Variants in TAF3 observed in about 807,000 individuals in gnomAD.
The protein encoded by TAF3 is transcription initiation factor TFIID subunit 3.
Under a neutral mutation model 80.6 loss-of-function variants are expected in TAF3, and 7 were observed. The observed-to-expected ratio is 0.09, with a 90% CI of 0.05 to 0.16. The LOEUF (loss-of-function observed/expected upper bound fraction) is 0.16. Among genes scored for constraint, TAF3 ranks in the 10% least tolerant of loss-of-function variants. TAF3 has a pLI of 1.00. For synonymous variants in TAF3, 444 were observed against 446.1 expected (o/e 1.00, Z 0.06); for missense variants, 921 against 1,140.2 (o/e 0.81, Z 2.77).
rs561660342 is a variant in TAF3, at chr10:7,907,944, C to T, written c.410-55976C>T. Among the ~76,000 whole-genome samples the T allele has an allele frequency of 4.6e-5, 7 of 152,186 alleles. No homozygotes were observed. The East Asian group carries it at 5.8e-4, about 13-fold the overall frequency. On this transcript the variant is annotated intron_variant, in intron 2 of 6. Coordinates refer to ENST00000344293, the MANE Select transcript of TAF3 (RefSeq NM_031923.4). ...GAGTCGATGGGGACTGAATCTGGAG[C>T]GGCAGCAGCAGGAATAGAAAGAAGA...
At chr10:7,953,313 A>G (rs1838102516) in intron 2 of TAF3, among the ~76,000 whole-genome samples, 1 of 152,234 alleles carries the variant, frequency 6.6e-6, no homozygotes, top group Admixed American at 6.5e-5. Flanking sequence ...ATCAAGTGGT[A>G]GAGTTTCAGG....
At chr10:7,857,416 C>T (rs1282028320) in intron 2 of TAF3, among the ~76,000 whole-genome samples, 2 of 152,216 alleles carry the variant, frequency 1.3e-5, no homozygotes, top group African/African-American at 4.8e-5. Flanking sequence ...AGAAAGTTCT[C>T]TGGAGCTGGA....
chr10:8,014,964 A>T lies in TAF3; in HGVS notation c.*213A>T. ...GCTCCGTGGCAGTGCGACAGAAGGA[A>T]ACTCAAGCAGAGGCGTGGCCTGGGG... On this transcript the variant is annotated 3_prime_UTR_variant, in exon 7 of 7. Coordinates refer to ENST00000344293, the MANE Select transcript of TAF3 (RefSeq NM_031923.4). 1 of 437,968 alleles carries T rather than the reference A, an allele frequency of 2.3e-6. No homozygotes were observed. Among genetic ancestry groups the T allele is most frequent in the Non-Finnish European group, 4.2e-6 (1 of 240,594 alleles). 27.1% of individuals were successfully genotyped at this position (437,968 alleles called of 1,614,324 possible).
intron 2 of TAF3, among the ~76,000 whole-genome samples, chr10:7,950,582 T>C (rs908277238): frequency 1.1e-4 from 17 of 152,232 alleles, no homozygotes; most frequent in South Asian, 4.1e-4. Flanking sequence ...TTTAAGTCAG[T>C]AGTCCGTAAA....
intron 2 of TAF3, among the ~76,000 whole-genome samples, chr10:7,878,675 A>G (rs1026661638): frequency 6.6e-6 from 1 of 151,366 alleles, no homozygotes; most frequent in Non-Finnish European, 1.5e-5. Context: ...TAGATGCACT[A>G]TAATTAATTC....
At chr10:7,840,659 A>C (rs536707035) in intron 2 of TAF3, among the ~76,000 whole-genome samples, 1 of 152,234 alleles carries the variant, frequency 6.6e-6, no homozygotes, top group Admixed American at 6.5e-5. Flanking sequence ...AAGGAGGAGC[A>C]GGCAATACAT....
intron 4 of TAF3, among the ~76,000 whole-genome samples, chr10:8,001,684 T>C (rs1442831234): frequency 6.6e-6 from 1 of 152,226 alleles, no homozygotes; most frequent in Non-Finnish European, 1.5e-5. Flanking sequence ...TTACTTACTT[T>C]TCTGGGAATT....
At chr10:7,933,781 A>AT (rs772725054) in intron 2 of TAF3, among the ~76,000 whole-genome samples, 28 of 152,246 alleles carry the variant, frequency 1.8e-4, no homozygotes, top group Non-Finnish European at 3.1e-4. Flanking sequence ...AATGTACAAT[A>AT]TATAGACTAT....
At chr10:7,913,292 G>T (rs1837674815) in intron 2 of TAF3, among the ~76,000 whole-genome samples, 1 of 152,142 alleles carries the variant, frequency 6.6e-6, no homozygotes, top group Admixed American at 6.5e-5. Flanking sequence ...GTTCATAGCA[G>T]ATGGCAGTGA....
chr10:7,996,920 C>T (rs1415576680), intron 4 of TAF3, among the ~76,000 whole-genome samples: 2 of 151,248 alleles, frequency 1.3e-5, no homozygotes, highest in African/African-American at 4.9e-5. Flanking sequence ...TGTCAAACTC[C>T]TGAGCTCACA....
At chr10:8,013,709 G>A (rs41311222) in intron 5 of TAF3, 22 bp from the exon 6 acceptor site, 110 of 1,600,036 alleles carry the variant, frequency 6.9e-5, no homozygotes, top group Admixed American at 1.0e-4. Flanking sequence ...CATTTTTGCC[G>A]CTTCCGCTTT....
In TAF3 at chr10:7,977,285, C is replaced by A; in HGVS notation, c.2277C>A (p.Pro759=). ...PVALAPSPVI[P]RLTLRVGAGQ... ...CTCTGGCCCCGAGTCCAGTTATCCC[C>A]AGATTAACTCTCCGAGTCGGTGCTG... Residue 759 remains proline, a synonymous_variant, in exon 4 of 7, where the codon CCC becomes CCA. Coordinates refer to ENST00000344293, the MANE Select transcript of TAF3 (RefSeq NM_031923.4). 1.2e-6 allele frequency: 2 copies of A among 1,614,148 alleles called. No individual in the cohort carries two copies. Among genetic ancestry groups the A allele is most frequent in the Non-Finnish European group, 1.7e-6 (2 of 1,180,016 alleles).
At chr10:7,891,036 C>A (rs1262863963) in intron 2 of TAF3, among the ~76,000 whole-genome samples, 1 of 152,144 alleles carries the variant, frequency 6.6e-6, no homozygotes, top group Non-Finnish European at 1.5e-5. Flanking sequence ...ATTGGGGCCC[C>A]GCCCTTTGCA....
intron 2 of TAF3, among the ~76,000 whole-genome samples, chr10:7,933,801 G>A (rs952835453): frequency 1.3e-5 from 2 of 152,200 alleles, no homozygotes; most frequent in Non-Finnish European, 2.9e-5. Flanking sequence ...TGAAATTATG[G>A]AAATCATCTT....
intron 2 of TAF3, among the ~76,000 whole-genome samples, chr10:7,929,964 G>A (rs993568361): frequency 6.6e-6 from 1 of 152,220 alleles, no homozygotes; most frequent in Non-Finnish European, 1.5e-5. Context: ...CACTTTGGGA[G>A]GCCAAGGTGG....
At chr10:7,833,142 A>G (rs1003223854) in intron 2 of TAF3, among the ~76,000 whole-genome samples, 1 of 152,214 alleles carries the variant, frequency 6.6e-6, no homozygotes, top group Non-Finnish European at 1.5e-5. Flanking sequence ...TAACTTGGCT[A>G]TTGGGAACAG....
chr10:7,927,134 G>C (rs2131193999), intron 2 of TAF3, among the ~76,000 whole-genome samples: 1 of 152,286 alleles, frequency 6.6e-6, no homozygotes, highest in Admixed American at 6.5e-5. Flanking sequence ...CTCATTCAGA[G>C]AACACTTTCT....
At chr10:7,870,379 T>C (rs1267057637) in intron 2 of TAF3, among the ~76,000 whole-genome samples, 7 of 152,258 alleles carry the variant, frequency 4.6e-5, no homozygotes, top group Admixed American at 4.6e-4. Context: ...CATTTTTACT[T>C]ATAGTTAATT....
intron 2 of TAF3, among the ~76,000 whole-genome samples, chr10:7,934,772 A>G (rs1265546488): frequency 1.3e-5 from 2 of 152,122 alleles, no homozygotes; most frequent in East Asian, 1.9e-4. Context: ...TAAAAGTACT[A>G]TGATATAGAG....
Sources: allele counts gnomAD v4.1 joint callset (sites outside exome capture counted in the v4.1 genomes callset), GRCh38; gene constraint gnomAD v4.1.1; transcripts MANE v1.5; gene names NCBI Gene and HGNC (gene_info 2026-07-23, HGNC 2026-07-21).